TBC1D4: variants seen among roughly 807,000 people sequenced by gnomAD.
TBC1D4 encodes TBC (Tre-2, BUB2, CDC16) domain-containing protein.
TBC1D4 carries 121 observed loss-of-function variants against 142.5 expected under a neutral mutation model. The observed-to-expected ratio is 0.85, with a 90% CI of 0.73 to 0.99. The LOEUF is 0.99. Among genes scored for constraint, TBC1D4 ranks in the 50% least tolerant of loss-of-function variants. The pLI, the probability that TBC1D4 is intolerant of heterozygous loss-of-function variation, is 0.00. For synonymous variants in TBC1D4, 630 were observed against 628.2 expected, an observed-to-expected ratio of 1.00 and a Z score of -0.04; for missense variants, 1,475 against 1,606.6, an observed-to-expected ratio of 0.92 and a Z score of 1.40.
intron 1 of TBC1D4, among the ~76,000 whole-genome samples, chr13:75,452,777 G>C (rs1887584372): frequency 6.6e-6 from 1 of 152,102 alleles, no homozygotes; most frequent in Non-Finnish European, 1.5e-5. Context: ...AATTATCTAG[G>C]TCACAGGAGA....
chr13:75,391,724 T>C (rs1404346342), intron 1 of TBC1D4, among the ~76,000 whole-genome samples: 1 of 152,214 alleles, frequency 6.6e-6, no homozygotes, highest in East Asian at 1.9e-4. Context: ...TGCAGTCTTC[T>C]GGTTTACAAG....
intron 1 of TBC1D4, among the ~76,000 whole-genome samples, chr13:75,425,326 CAAGTT>C (rs1487135517): frequency 3.9e-5 from 6 of 152,004 alleles, no homozygotes; most frequent in African/African-American, 1.2e-4. Context: ...AAAAAGATGA[CAAGTT>C]AAGTGTTGGT....
At chr13:75,410,934 T>C (rs1885623335) in intron 1 of TBC1D4, among the ~76,000 whole-genome samples, 1 of 19,110 alleles carries the variant, frequency 5.2e-5, no homozygotes, top group Non-Finnish European at 7.6e-5. Context: ...AGACTCCGTC[T>C]CAAAAAAAAA....
intron 1 of TBC1D4, among the ~76,000 whole-genome samples, chr13:75,481,052 C>G (rs1226457162): frequency 1.3e-5 from 2 of 152,210 alleles, no homozygotes. Context: ...CTGTAGCCGG[C>G]CGGCCGCTCC....
chr13:75,338,815 T>A (rs1880433259), intron 7 of TBC1D4, among the ~76,000 whole-genome samples: 1 of 152,160 alleles, frequency 6.6e-6, no homozygotes, highest in South Asian at 2.1e-4. Flanking sequence ...CCTGCCCCAC[T>A]CTCGTCTGCT....
chr13:75,427,446 G>A (rs1380976143), intron 1 of TBC1D4, among the ~76,000 whole-genome samples: 1 of 152,148 alleles, frequency 6.6e-6, no homozygotes, highest in Admixed American at 6.5e-5. Context: ...AGGTCAAAGC[G>A]GGAGGATCAC....
chr13:75,443,142 A>C lies in TBC1D4; in HGVS notation c.498+38128T>G, dbSNP rs531326897. 9.8e-5 allele frequency among the ~76,000 whole-genome samples: 15 copies of C among 152,348 alleles called. No homozygotes were observed. The South Asian group carries it at 2.9e-3, about 29-fold the overall frequency. On this transcript the variant is annotated intron_variant, in intron 1 of 20. Transcript: ENST00000377636. ...CCAGCTGGATGCAGCCAGATGCACAAGTGAATGCCAACAGCGGCTAGGACA... is the reference window on the plus strand; with the variant it reads ...CCAGCTGGATGCAGCCAGATGCACACGTGAATGCCAACAGCGGCTAGGACA...
intron 1 of TBC1D4, among the ~76,000 whole-genome samples, chr13:75,480,802 T>G (rs1437678238): frequency 6.6e-6 from 1 of 152,188 alleles, no homozygotes; most frequent in Non-Finnish European, 1.5e-5. Flanking sequence ...AGGATTTGAC[T>G]GCGATTGAGA....
intron 7 of TBC1D4, among the ~76,000 whole-genome samples, chr13:75,337,471 T>C (rs1021085105): frequency 6.6e-6 from 1 of 152,248 alleles, no homozygotes; most frequent in East Asian, 1.9e-4. Context: ...ATTCTGGTAA[T>C]GCCTCTGTTA....
chr13:75,305,700 A>T (rs1369431961), intron 15 of TBC1D4, among the ~76,000 whole-genome samples: 1 of 152,206 alleles, frequency 6.6e-6, no homozygotes, highest in Non-Finnish European at 1.5e-5. Flanking sequence ...TGGAGATTCT[A>T]ATTTTAATAT....
intron 1 of TBC1D4, among the ~76,000 whole-genome samples, chr13:75,383,982 G>A (rs1028840003): frequency 1.3e-5 from 2 of 152,022 alleles, no homozygotes; most frequent in Admixed American, 6.5e-5. Flanking sequence ...ACTTATCTCC[G>A]AGGAAGGGGG....
chr13:75,482,161 G>A lies in TBC1D4; in HGVS notation c.-394C>T. 1 of 178,108 alleles carries A rather than the reference G, an allele frequency of 5.6e-6. No homozygotes were observed. Among genetic ancestry groups the A allele is most frequent in the Non-Finnish European group, 1.2e-5 (1 of 86,422 alleles). 11.0% of individuals were successfully genotyped at this position (178,108 alleles called of 1,614,324 possible). ...GCTGCGGCCGCCGCGCTCGCCTGGG[G>A]CAGACACTGGGTGGCTGGGCGGGGA... On this transcript the variant is annotated 5_prime_UTR_variant, in exon 1 of 21. Transcript: ENST00000377636.
At chr13:75,307,564 G>A (rs747741401) in intron 14 of TBC1D4, among the ~76,000 whole-genome samples, 3 of 152,056 alleles carry the variant, frequency 2.0e-5, no homozygotes, top group South Asian at 2.1e-4. Flanking sequence ...CACAGCGCTC[G>A]GCCACCTTAC....
chr13:75,356,325 C>T (rs545668706), intron 3 of TBC1D4, 74 bp from the exon 4 acceptor site: 1 of 1,041,718 alleles, frequency 9.6e-7, no homozygotes, highest in African/African-American at 1.6e-5. Flanking sequence ...TGGAAAGCAA[C>T]ATCAGTTCTT....
chr13:75,465,602 A>C (rs1273831202), intron 1 of TBC1D4, among the ~76,000 whole-genome samples: 1 of 152,182 alleles, frequency 6.6e-6, no homozygotes, highest in Non-Finnish European at 1.5e-5. Flanking sequence ...AAGCCCCTAC[A>C]ACCATGTGAA....
intron 8 of TBC1D4, among the ~76,000 whole-genome samples, chr13:75,335,051 C>T (rs907654024): frequency 6.6e-6 from 1 of 152,134 alleles, no homozygotes; most frequent in Non-Finnish European, 1.5e-5. Context: ...GGGGCTGCCA[C>T]CCCAACACGT....
intron 1 of TBC1D4, among the ~76,000 whole-genome samples, chr13:75,475,753 G>A (rs377215074): frequency 3.3e-5 from 5 of 152,184 alleles, no homozygotes; most frequent in East Asian, 3.8e-4. Flanking sequence ...TTATTTCTCA[G>A]GCTGTAAATC....
chr13:75,364,551 C>T (rs78448245), intron 1 of TBC1D4, among the ~76,000 whole-genome samples: 3,554 of 152,338 alleles, frequency 0.023, 63 homozygotes, highest in Non-Finnish European at 0.037. Flanking sequence ...TGACTAGCAA[C>T]CTCAACCCTT....
At chr13:75,391,133 T>C (rs1158178855) in intron 1 of TBC1D4, among the ~76,000 whole-genome samples, 1 of 136,308 alleles carries the variant, frequency 7.3e-6, no homozygotes, top group East Asian at 2.2e-4. Flanking sequence ...GCTGTAGCAG[T>C]TCTCCCCTCT....
Sources: allele counts gnomAD v4.1 joint callset (sites outside exome capture counted in the v4.1 genomes callset), GRCh38; gene constraint gnomAD v4.1.1; transcripts MANE v1.5; gene names NCBI Gene and HGNC (gene_info 2026-07-23, HGNC 2026-07-21).